The following NRROS variants were observed in gnomAD, a reference collection of about 807,000 sequenced individuals.
NRROS encodes the protein negative regulator of reactive oxygen species, also known as transforming growth factor beta activator LRRC33.
Under a neutral mutation model 12.0 loss-of-function variants are expected in NRROS, and 6 were observed. The observed-to-expected ratio is 0.50, with a 90% CI of 0.27 to 0.98. NRROS has a LOEUF of 0.98. Among genes scored for constraint, NRROS ranks in the 50% least tolerant of loss-of-function variants. The pLI, the probability that NRROS is intolerant of heterozygous loss-of-function variation, is 0.11. For missense variants in NRROS, 857 were observed against 888.2 expected, an observed-to-expected ratio of 0.96 and a Z score of 0.45; for synonymous variants, 462 against 410.2, an observed-to-expected ratio of 1.13 and a Z score of -1.53.
At chr3:196,644,545 G>T (rs115931666) in intron 1 of NRROS, among the ~76,000 whole-genome samples, 10,079 of 151,998 alleles carry the variant, frequency 0.066, 1,064 homozygotes, top group African/African-American at 0.23. Context: ...TGGGAGGCCA[G>T]GGCGGGAGTT....
rs146252235 is a variant in NRROS, at chr3:196,657,118, C to T, written c.108+2471C>T. ...ACTCAGGAGGCTGAGGCAGGCGAAT[C>T]GCTTGAACCAGGGAGGCCGAGGTTG... On this transcript the variant is annotated intron_variant, in intron 2 of 2. Transcript: ENST00000328557. Among the ~76,000 whole-genome samples the T allele has an allele frequency of 5.0e-3, 762 of 151,834 alleles. 7 individuals carry two copies. Among genetic ancestry groups the T allele is most frequent in the African/African-American group, 0.016 (674 of 41,374 alleles).
Position 196,661,345 on chromosome 3 carries a change from A to G in NRROS, c.1702A>G (p.Asn568Asp). The G allele has an allele frequency of 6.3e-7, 1 of 1,585,194 alleles. No homozygotes were observed. Among genetic ancestry groups the G allele is most frequent in the Non-Finnish European group, 8.6e-7 (1 of 1,164,872 alleles). The change falls in exon 3 of 3, where the codon AAC (asparagine) becomes GAC (aspartate). Residue 568 changes from asparagine (N) to aspartate (D), a missense_variant. Physicochemically the swap from Asn to Asp is conservative, Grantham distance 23. Coordinates refer to ENST00000328557, the MANE Select transcript of NRROS (RefSeq NM_198565.3). ...LALETLDLRR[N>D]SLTALPQKAV... ...CCTGGAGACCCTGGATCTCCGTAGA[A>G]ACTCGCTCACAGCCCTTCCCCAGAA...
At chr3:196,649,498 G>A (rs1460028189) in intron 1 of NRROS, among the ~76,000 whole-genome samples, 25 of 151,946 alleles carry the variant, frequency 1.6e-4, no homozygotes, top group Non-Finnish European at 1.2e-4. Context: ...TTGAGACGGA[G>A]TCTCGCTCTG....
At chr3:196,646,872 C>T (rs1218248581) in intron 1 of NRROS, among the ~76,000 whole-genome samples, 5 of 152,196 alleles carry the variant, frequency 3.3e-5, no homozygotes, top group Non-Finnish European at 5.9e-5. Context: ...CTGCCTTCGC[C>T]GAGCCGCCGC....
In NRROS at chr3:196,660,323, G is replaced by T; in HGVS notation, c.680G>T (p.Arg227Leu). 6.2e-7 allele frequency: 1 copy of T among 1,613,954 alleles called. No homozygotes were observed. Among genetic ancestry groups the T allele is most frequent in the Non-Finnish European group, 8.5e-7 (1 of 1,179,988 alleles). Residue 227 changes from arginine (R) to leucine (L), a missense_variant, in exon 3 of 3, where the codon CGG becomes CTG. Transcript: ENST00000328557. This position sits in a 1 kb window ranked among gnomAD's most constrained non-coding sequence, Gnocchi z 7.7. The stretch of plus-strand genomic sequence containing the variant: ...TGCATCGTGGACTTCGGGCTCACGC[G>T]GCTGCGGGTCCTCAACGTCAGCTAC... ...LPCIVDFGLT[R>L]LRVLNVSYNV...
chr3:196,647,094 C>G (rs1269883864), intron 1 of NRROS, among the ~76,000 whole-genome samples: 1 of 152,136 alleles, frequency 6.6e-6, no homozygotes, highest in South Asian at 2.1e-4. Context: ...GCCAGTGCTT[C>G]CATTATTGGA....
In NRROS at chr3:196,661,181, T is replaced by C; in HGVS notation, c.1538T>C (p.Leu513Ser). 6.2e-7 allele frequency: 1 copy of C among 1,613,312 alleles called. No individual in the cohort carries two copies. Among genetic ancestry groups the C allele is most frequent in the Non-Finnish European group, 8.5e-7 (1 of 1,179,636 alleles). ...LAPLQDVAPM[L>S]QVLSLRNMGL... ...CCACTCCAGGATGTTGCCCCCATGT[T>C]ACAGGTCCTGTCTCTCAGGAACATG... Residue 513 changes from leucine (L) to serine (S), a missense_variant, in exon 3 of 3, where the codon TTA (leucine) becomes TCA (serine). Leu to Ser is a moderately radical substitution (Grantham distance 145, BLOSUM62 -2). Transcript: ENST00000328557.
chr3:196,661,096 A>T lies in NRROS; in HGVS notation c.1453A>T (p.Thr485Ser). The change falls in exon 3 of 3, where the codon ACC becomes TCC. Residue 485 changes from threonine to serine, a missense_variant. Thr to Ser is a moderately conservative substitution (Grantham distance 58, BLOSUM62 1). Transcript: ENST00000328557. ...ATTGCCAGACTGCCCATTCCAAGGG[A>T]CCTCCCTGACCTACTTAGACCTCTC... ...GALPDCPFQGTSLTYLDLSSN... is the reference protein window; with the variant it reads ...GALPDCPFQGSSLTYLDLSSN... 1.2e-6 allele frequency: 2 copies of T among 1,613,466 alleles called. No individual in the cohort carries two copies. The highest frequency in any genetic ancestry group is 1.7e-6 in the Non-Finnish European group (2 of 1,179,864).
intron 1 of NRROS, among the ~76,000 whole-genome samples, chr3:196,648,671 C>G (rs1417529983): frequency 6.9e-6 from 1 of 143,900 alleles, no homozygotes; most frequent in East Asian, 2.1e-4. Context: ...GAGGCTGAGG[C>G]AGGAGAATCA....
At chr3:196,657,631 C>T (rs1370218936) in intron 2 of NRROS, among the ~76,000 whole-genome samples, 3 of 150,398 alleles carry the variant, frequency 2.0e-5, no homozygotes, top group Non-Finnish European at 3.0e-5. Context: ...CGCTTGAACC[C>T]GGCAGGCAGA....
intron 1 of NRROS, among the ~76,000 whole-genome samples, chr3:196,641,777 G>A (rs1315120642): frequency 6.6e-6 from 1 of 152,176 alleles, no homozygotes; most frequent in African/African-American, 2.4e-5. Flanking sequence ...CGTCCACACT[G>A]CACAGTGTGC....
At position 196,660,763 on chromosome 3, in the gene NRROS, C is replaced by T; in HGVS notation, c.1120C>T (p.Pro374Ser). 1 of 1,613,698 alleles carries T rather than the reference C, an allele frequency of 6.2e-7. No homozygotes were observed. Among genetic ancestry groups the T allele is most frequent in the Non-Finnish European group, 8.5e-7 (1 of 1,180,008 alleles). ...LMTLHIREHE[P>S]PGALTELDLS... is the part of the protein sequence containing the mutation. ...GACGCTTCACATTCGGGAGCACGAG[C>T]CCCCCGGAGCGCTCACCGAGCTGGA... The change falls in exon 3 of 3, where the codon CCC (proline) becomes TCC (serine). Residue 374 changes from proline to serine, a missense_variant. By Grantham distance (74) the Pro-to-Ser change is moderately conservative. Transcript: ENST00000328557. This position sits in a 1 kb window ranked among gnomAD's most constrained non-coding sequence, Gnocchi z 7.7.
chr3:196,651,762 G>A (rs1028650972), intron 1 of NRROS, among the ~76,000 whole-genome samples: 4 of 152,090 alleles, frequency 2.6e-5, no homozygotes, highest in Non-Finnish European at 5.9e-5. Flanking sequence ...GCAAAACTCC[G>A]TCTCAAAAAA....
intron 1 of NRROS, among the ~76,000 whole-genome samples, chr3:196,650,382 G>A (rs1202720081): frequency 1.3e-5 from 2 of 152,170 alleles, no homozygotes; most frequent in South Asian, 2.1e-4. Flanking sequence ...GACCTCAGGT[G>A]ATCCACCTGC....
chr3:196,661,722 A>G lies in NRROS; in HGVS notation c.2079A>G (p.Ter693TrpextTer25), dbSNP rs539986578. ...KSRCHWSSVY[*>W] The stretch of plus-strand genomic sequence containing the variant: ...GCTGCCACTGGTCCTCCGTTTACTG[A>G]CCTGGCTGTGTGCCAAGACTCGAAA... The change falls in exon 3 of 3, where the codon TGA (stop) becomes TGG (tryptophan). Residue 693 changes from the stop codon to tryptophan (W), a stop_lost. Transcript: ENST00000328557. 5.1e-6 allele frequency: 8 copies of G among 1,581,432 alleles called. No individual in the cohort carries two copies. In the African/African-American group the frequency reaches 9.4e-5, roughly 19 times the overall value.
chr3:196,640,140 G>A (rs1293554726), intron 1 of NRROS, among the ~76,000 whole-genome samples: 2 of 152,270 alleles, frequency 1.3e-5, no homozygotes, highest in Non-Finnish European at 2.9e-5. Context: ...GAAACCACGA[G>A]GGCTTCAGAT....
rs368558923 is a variant in NRROS at position 196,647,314 on chromosome 3, G to A, written c.-13-7213G>A. Reference sequence around the variant, plus strand: ...TGCCAATTTTCTGTTCTACCTGCAGGGTGTGAGACAGTTCTTAGGGGGGGA... The same window carrying A: ...TGCCAATTTTCTGTTCTACCTGCAGAGTGTGAGACAGTTCTTAGGGGGGGA... On this transcript the variant is annotated intron_variant, in intron 1 of 2. Transcript: ENST00000328557. Among the ~76,000 whole-genome samples the A allele has an allele frequency of 1.2e-4, 18 of 152,242 alleles. No individual in the cohort carries two copies. In the East Asian group the frequency reaches 2.1e-3, roughly 18 times the overall value.
Position 196,661,186 on chromosome 3 carries a change from G to T in NRROS, c.1543G>T (p.Val515Phe). ...PLQDVAPMLQ[V>F]LSLRNMGLHS... ...CCAGGATGTTGCCCCCATGTTACAGGTCCTGTCTCTCAGGAACATGGGCCT... is the reference window on the plus strand; with the variant it reads ...CCAGGATGTTGCCCCCATGTTACAGTTCCTGTCTCTCAGGAACATGGGCCT... Residue 515 changes from valine to phenylalanine, a missense_variant, in exon 3 of 3, where the codon GTC (valine) becomes TTC (phenylalanine). Physicochemically the swap from Val to Phe is conservative, Grantham distance 50 (BLOSUM62 -1). Coordinates refer to ENST00000328557, the MANE Select transcript of NRROS (RefSeq NM_198565.3). 1.2e-6 allele frequency: 2 copies of T among 1,613,438 alleles called. No individual in the cohort carries two copies. Among genetic ancestry groups the T allele is most frequent in the Non-Finnish European group, 1.7e-6 (2 of 1,179,706 alleles).
intron 2 of NRROS, among the ~76,000 whole-genome samples, chr3:196,656,421 G>A (rs1055242353): frequency 2.0e-5 from 3 of 152,102 alleles, no homozygotes; most frequent in African/African-American, 7.2e-5. Context: ...CCCTTAGCTG[G>A]TGACATTGGG....
Sources: allele counts gnomAD v4.1 joint callset (sites outside exome capture counted in the v4.1 genomes callset), GRCh38; gene constraint gnomAD v4.1.1; non-coding constraint Gnocchi (gnomAD v3.1); transcripts MANE v1.5; gene names NCBI Gene and HGNC (gene_info 2026-07-23, HGNC 2026-07-21).